The following APBB2 variants were observed in gnomAD, a reference collection of about 807,000 sequenced individuals.
APBB2 encodes the protein amyloid beta precursor protein binding family B member 2, also known as Fe65-like 1.
Under a neutral mutation model 82.5 loss-of-function variants are expected in APBB2, and 38 were observed. That is an observed-to-expected ratio of 0.46 (90% CI 0.36 to 0.60). APBB2 has a LOEUF of 0.60. Among genes scored for constraint, APBB2 ranks in the 20% least tolerant of loss-of-function variants. The pLI is 0.00. For missense variants in APBB2, 772 were observed against 972.3 expected (o/e 0.79, Z 2.74); for synonymous variants, 341 against 368.2 (o/e 0.93, Z 0.85).
At chr4:40,913,908 C>T (rs1377196856) in intron 10 of APBB2, among the ~76,000 whole-genome samples, 1 of 151,994 alleles carries the variant, frequency 6.6e-6, no homozygotes, top group Non-Finnish European at 1.5e-5. Flanking sequence ...GTGCTGGTGG[C>T]CATGAGTTGA....
At chr4:41,071,788 G>C (rs1473106469) in intron 3 of APBB2, among the ~76,000 whole-genome samples, 1 of 152,102 alleles carries the variant, frequency 6.6e-6, no homozygotes, top group Admixed American at 6.5e-5. Flanking sequence ...TATCAAAATG[G>C]GTTTAATTTC....
chr4:41,027,114 T>C (rs1714587057), intron 5 of APBB2, among the ~76,000 whole-genome samples: 1 of 152,068 alleles, frequency 6.6e-6, no homozygotes. Flanking sequence ...GTCAGGGAGA[T>C]GGATTTCAGA....
At chr4:40,819,844 G>A (rs768871448) in intron 17 of APBB2, among the ~76,000 whole-genome samples, 7 of 151,826 alleles carry the variant, frequency 4.6e-5, no homozygotes, top group Admixed American at 1.3e-4. Flanking sequence ...ACAGGGTCTC[G>A]CTCTGTCACC....
chr4:40,834,140 G>C (rs1199459922), intron 12 of APBB2, among the ~76,000 whole-genome samples: 1 of 150,502 alleles, frequency 6.6e-6, no homozygotes, highest in Non-Finnish European at 1.5e-5. Flanking sequence ...CTTATCTTTT[G>C]TTGTTTCCTC....
At chr4:40,986,295 A>G (rs1800413798) in intron 6 of APBB2, among the ~76,000 whole-genome samples, 1 of 152,170 alleles carries the variant, frequency 6.6e-6, no homozygotes. Context: ...TCACCATGCA[A>G]TCCACTCCCA....
chr4:41,000,137 C>T (rs1051142352), intron 6 of APBB2, among the ~76,000 whole-genome samples: 1 of 145,316 alleles, frequency 6.9e-6, no homozygotes, highest in African/African-American at 2.5e-5. Context: ...GGTGTGCACC[C>T]GTAGTCACAG....
intron 6 of APBB2, among the ~76,000 whole-genome samples, chr4:40,984,381 T>A (rs1799867260): frequency 6.6e-6 from 1 of 152,078 alleles, no homozygotes; most frequent in Non-Finnish European, 1.5e-5. Flanking sequence ...AGGACTTAAT[T>A]TCTGAGAAAA....
intron 6 of APBB2, among the ~76,000 whole-genome samples, chr4:41,002,197 G>A (rs1234908995): frequency 1.3e-5 from 2 of 152,188 alleles, no homozygotes; most frequent in African/African-American, 4.8e-5. Context: ...CATATTAACT[G>A]AGTCAGACTT....
chr4:41,023,528 T>C (rs1158400685), intron 5 of APBB2, among the ~76,000 whole-genome samples: 1 of 152,122 alleles, frequency 6.6e-6, no homozygotes, highest in Admixed American at 6.5e-5. Context: ...AGCATTCCTA[T>C]CCACCAACAA....
rs560096947 is a variant in APBB2, at chr4:40,832,983, C to T, written c.1530-2406G>A. 1.3e-5 allele frequency among the ~76,000 whole-genome samples: 2 copies of T among 152,100 alleles called. No homozygotes were observed. The highest frequency in any genetic ancestry group is 4.8e-5 in the African/African-American group (2 of 41,406). The stretch of plus-strand genomic sequence containing the variant: ...GGTGGGTTGGGGCAAGTCACTGGGC[C>T]GAGACTTTGAGGGGTGAGCACAGTC... On this transcript the variant is annotated intron_variant, in intron 12 of 17. Coordinates refer to ENST00000508593, the MANE Select transcript of APBB2 (RefSeq NM_004307.2). This position sits in a 1 kb window ranked among gnomAD's most constrained non-coding sequence, Gnocchi z 4.8.
rs5857780 is a variant in APBB2, at chr4:41,167,529, A to AT, written c.-416-24388dup. ...AACCAGGGACAAAAACCAAATGTTAATTTTTTTTTATTTTATCACAGACTA... is the reference window on the plus strand; with the variant it reads ...AACCAGGGACAAAAACCAAATGTTAATTTTTTTTTTATTTTATCACAGACTA... On this transcript the variant is annotated intron_variant, in intron 1 of 17. Transcript: ENST00000508593. Among the ~76,000 whole-genome samples, 1,453 of 152,010 alleles carry AT rather than the reference A, an allele frequency of 9.6e-3. 32 individuals carry two copies. The highest frequency in any genetic ancestry group is 0.034 in the African/African-American group (1,392 of 41,482).
chr4:40,816,027 G>C lies in APBB2; in HGVS notation c.*65C>G. On this transcript the variant is annotated 3_prime_UTR_variant, in exon 18 of 18. Transcript: ENST00000508593. ...ACTGGATGGAAGGTCGGATGGCGGA[G>C]TTCATTTTCTTTAGTGTAGCTAGTC... 1 of 1,564,288 alleles carries C rather than the reference G, an allele frequency of 6.4e-7. No homozygotes were observed. The highest frequency in any genetic ancestry group is 8.7e-7 in the Non-Finnish European group (1 of 1,144,958).
chr4:40,955,636 G>T (rs1205232766), intron 6 of APBB2, among the ~76,000 whole-genome samples: 1 of 152,156 alleles, frequency 6.6e-6, no homozygotes, highest in Non-Finnish European at 1.5e-5. Context: ...TTTCAGGCTG[G>T]GCACAGTGGC....
chr4:40,824,758 T>C (rs1223600271), intron 15 of APBB2, among the ~76,000 whole-genome samples: 2 of 152,292 alleles, frequency 1.3e-5, no homozygotes, highest in East Asian at 3.9e-4. Flanking sequence ...CCCAAAGTGC[T>C]GAGATTACAG....
intron 6 of APBB2, among the ~76,000 whole-genome samples, chr4:40,954,893 C>A (rs748713716): frequency 2.3e-4 from 35 of 152,186 alleles, no homozygotes; most frequent in Middle Eastern, 3.4e-3. Flanking sequence ...TTGGGTGATC[C>A]GCCCGCCTCG....
At chr4:41,085,356 G>T (rs574959727) in intron 3 of APBB2, among the ~76,000 whole-genome samples, 1 of 152,166 alleles carries the variant, frequency 6.6e-6, no homozygotes, top group East Asian at 1.9e-4. Flanking sequence ...GGGGTATAGG[G>T]TATAGAGAGA....
intron 5 of APBB2, among the ~76,000 whole-genome samples, chr4:41,024,837 C>G (rs181233465): frequency 1.3e-5 from 2 of 152,208 alleles, no homozygotes; most frequent in Admixed American, 1.3e-4. Context: ...TAAGCCTGTG[C>G]AAGGCACTAG....
intron 2 of APBB2, among the ~76,000 whole-genome samples, chr4:41,129,373 C>A (rs920288621): frequency 5.9e-5 from 9 of 152,270 alleles, no homozygotes; most frequent in Non-Finnish European, 1.2e-4. Context: ...ATTCCTGCCT[C>A]CATGTCCCCT....
At chr4:41,188,176 C>G (rs1231190024) in intron 1 of APBB2, among the ~76,000 whole-genome samples, 3 of 152,040 alleles carry the variant, frequency 2.0e-5, no homozygotes, top group East Asian at 3.9e-4. Context: ...ACAGAACAAC[C>G]AATTAGCAGG....
Sources: gnomAD v4.1 joint callset for allele counts (sites outside exome capture counted in the v4.1 genomes callset) on GRCh38, gnomAD v4.1.1 for gene constraint, Gnocchi (gnomAD v3.1) non-coding constraint, MANE v1.5 for transcripts, NCBI Gene and HGNC (gene_info 2026-07-23, HGNC 2026-07-21) for gene names.